The following TTC27 variants were observed in gnomAD, a reference collection of about 807,000 sequenced individuals.
The protein encoded by TTC27 is tetratricopeptide repeat protein 27.
TTC27 carries 79 observed loss-of-function variants against 115.9 expected under a neutral mutation model. The observed-to-expected ratio is 0.68, with a 90% confidence interval of 0.57 to 0.82. The LOEUF (loss-of-function observed/expected upper bound fraction) is 0.82. Ranked by LOEUF, TTC27 falls within the 40% of genes least tolerant of loss-of-function variation. The pLI, the probability that TTC27 is intolerant of heterozygous loss-of-function variation, is 0.00. For missense variants in TTC27, 1,054 were observed against 993.1 expected (o/e 1.06, Z -0.82); for synonymous variants, 401 against 356.0 (o/e 1.13, Z -1.42).
At chr2:32,816,441 G>A (rs948271109) in intron 18 of TTC27, among the ~76,000 whole-genome samples, 2 of 152,170 alleles carry the variant, frequency 1.3e-5, no homozygotes, top group African/African-American at 4.8e-5. Flanking sequence ...TTTGAATTTA[G>A]TGAGCATAAT....
At chr2:32,812,673 A>G in intron 18 of TTC27, 58 bp downstream of exon 18, 1 of 1,298,958 alleles carries the variant, frequency 7.7e-7, no homozygotes. Flanking sequence ...CTACTGACAG[A>G]AAAGAGTGTT....
intron 10 of TTC27, among the ~76,000 whole-genome samples, chr2:32,729,357 TC>T (rs1449526840): frequency 6.6e-6 from 1 of 152,238 alleles, no homozygotes; most frequent in African/African-American, 2.4e-5. Context: ...TCTGGGAAAT[TC>T]CTTCTCTGTT....
chr2:32,723,728 C>CTCAT (rs1668009320), intron 10 of TTC27, among the ~76,000 whole-genome samples: 2 of 29,514 alleles, frequency 6.8e-5, no homozygotes, highest in Admixed American at 6.7e-4. Flanking sequence ...CCCTCCCTCC[C>CTCAT]TCCTTCCTTC....
At chr2:32,712,278 C>T (rs190003674) in intron 10 of TTC27, among the ~76,000 whole-genome samples, 91 of 152,256 alleles carry the variant, frequency 6.0e-4, no homozygotes, top group Non-Finnish European at 1.2e-3. Flanking sequence ...AACTCCAAGT[C>T]GAGGACAATC....
At position 32,783,302 on chromosome 2, in the gene TTC27, T is replaced by C. The variant is rs982968617; in HGVS notation, c.1832+624T>C. Among the ~76,000 whole-genome samples the C allele has an allele frequency of 3.9e-5, 6 of 152,056 alleles. No individual in the cohort carries two copies. The East Asian group carries it at 1.2e-3, about 29-fold the overall frequency. On this transcript the variant is annotated intron_variant, in intron 15 of 19. Transcript: ENST00000317907. ...GATCAGAAATGCTTCTGAGAGAATG[T>C]TGGACTCAAGCAGAAATTTGAAGGA...
At chr2:32,771,937 A>G (rs1396646501) in intron 13 of TTC27, among the ~76,000 whole-genome samples, 1 of 152,186 alleles carries the variant, frequency 6.6e-6, no homozygotes, top group East Asian at 1.9e-4. Flanking sequence ...CCTTTATTAT[A>G]TGTGACAGAA....
rs1368512271 is a variant in TTC27 at position 32,798,713 on chromosome 2, A to AAAAAAAATAAT, written c.1998+11566_1998+11567insAAAAATAATAA. Among the ~76,000 whole-genome samples the AAAAAAAATAAT allele has an allele frequency of 1.1e-3, 161 of 142,332 alleles. 3 individuals are homozygous for AAAAAAAATAAT. The highest frequency in any genetic ancestry group is 4.2e-3 in the African/African-American group (154 of 36,858). The allele number at this position is 142,332 out of a possible 152,430, so 93.4% of individuals were successfully genotyped here. Reference sequence around the variant, plus strand: ...GAGCGAGACTCCAGCTCAAAAAAAAAAATAATAATAATAATAATAATAATA... The same window carrying AAAAAAAATAAT: ...GAGCGAGACTCCAGCTCAAAAAAAAAAAAAAAATAATAATAATAATAATAATAATAATAATA... On this transcript the variant is annotated intron_variant, in intron 16 of 19. Coordinates refer to ENST00000317907, the MANE Select transcript of TTC27 (RefSeq NM_017735.5).
At chr2:32,628,909 C>T (rs1246573259) in intron 1 of TTC27, among the ~76,000 whole-genome samples, 1 of 150,956 alleles carries the variant, frequency 6.6e-6, no homozygotes, top group East Asian at 2.0e-4. Context: ...TACAGGCATG[C>T]GCCACCACGC....
At chr2:32,681,980 ATGTGTGTGTG>A (rs70938359) in intron 9 of TTC27, among the ~76,000 whole-genome samples, 1,545 of 90,028 alleles carry the variant, frequency 0.017, 26 homozygotes, top group African/African-American at 0.036. Context: ...ATGTATATAT[ATGTGTGTGTG>A]TGTGTGTGTG....
intron 12 of TTC27, among the ~76,000 whole-genome samples, chr2:32,741,487 CAAA>C (rs776432388): frequency 8.0e-6 from 1 of 125,740 alleles, no homozygotes; most frequent in Non-Finnish European, 1.7e-5. Context: ...ACTAAAAATA[CAAA>C]AAAAAAAAAA....
chr2:32,665,998 C>T (rs1665760714), intron 6 of TTC27, among the ~76,000 whole-genome samples: 1 of 152,198 alleles, frequency 6.6e-6, no homozygotes, highest in Non-Finnish European at 1.5e-5. Flanking sequence ...TAGAGCCAGA[C>T]TCATAACAGG....
intron 13 of TTC27, among the ~76,000 whole-genome samples, chr2:32,760,799 C>T (rs2147996426): frequency 6.6e-6 from 1 of 152,260 alleles, no homozygotes; most frequent in African/African-American, 2.4e-5. Context: ...TGCCAGGTGC[C>T]TCACAGACAT....
intron 4 of TTC27, among the ~76,000 whole-genome samples, chr2:32,645,677 C>A (rs886227812): frequency 6.6e-6 from 1 of 152,006 alleles, no homozygotes; most frequent in African/African-American, 2.4e-5. Context: ...TTAGATATAT[C>A]TCCTAATGCT....
intron 12 of TTC27, among the ~76,000 whole-genome samples, chr2:32,755,521 G>T (rs112468158): frequency 0.014 from 2,198 of 152,262 alleles, 50 homozygotes; most frequent in African/African-American, 0.048. Flanking sequence ...GCAGTGAGCC[G>T]AGATGGCAGC....
intron 5 of TTC27, among the ~76,000 whole-genome samples, chr2:32,659,701 T>G (rs1243211496): frequency 6.6e-6 from 1 of 152,126 alleles, no homozygotes; most frequent in East Asian, 1.9e-4. Context: ...CCACATGATG[T>G]TCTCCTCCCT....
rs951224925 is a variant in TTC27 at position 32,759,130 on chromosome 2, T to C, written c.1680+611T>C. 2.0e-5 allele frequency among the ~76,000 whole-genome samples: 3 copies of C among 152,358 alleles called. 1 individual carries two copies. The highest frequency in any genetic ancestry group is 2.0e-4 in the Admixed American group (3 of 15,304). On this transcript the variant is annotated intron_variant, in intron 13 of 19. Transcript: ENST00000317907. Reference sequence around the variant, plus strand: ...TAACCTTATTTTGTACTTAATGATATTCAGTTATCAGAATGTTTTATTATT... The same window carrying C: ...TAACCTTATTTTGTACTTAATGATACTCAGTTATCAGAATGTTTTATTATT...
At chr2:32,781,084 C>T (rs1670160557) in intron 14 of TTC27, among the ~76,000 whole-genome samples, 1 of 152,134 alleles carries the variant, frequency 6.6e-6, no homozygotes, top group Non-Finnish European at 1.5e-5. Context: ...TGGCAAGCTT[C>T]CATTGATGAG....
chr2:32,766,952 A>G (rs1669649737), intron 13 of TTC27, among the ~76,000 whole-genome samples: 1 of 151,972 alleles, frequency 6.6e-6, no homozygotes, highest in Non-Finnish European at 1.5e-5. Flanking sequence ...CGACCGGCTA[A>G]TTTTTGTATT....
At chr2:32,628,711 A>T (rs926244087) in intron 1 of TTC27, among the ~76,000 whole-genome samples, 1 of 151,902 alleles carries the variant, frequency 6.6e-6, no homozygotes, top group Non-Finnish European at 1.5e-5. Flanking sequence ...ATCTGTAAAT[A>T]CAGTTGGGTT....
Sources: allele counts gnomAD v4.1 joint callset (sites outside exome capture counted in the v4.1 genomes callset), GRCh38; gene constraint gnomAD v4.1.1; transcripts MANE v1.5; gene names NCBI Gene and HGNC (gene_info 2026-07-23, HGNC 2026-07-21).